B3GALNT1: variants seen among roughly 807,000 people sequenced by gnomAD.
B3GALNT1 encodes beta-1,3-N-acetylgalactosaminyltransferase 1 (Globoside blood group).
Under a neutral mutation model 27.3 loss-of-function variants are expected in B3GALNT1, and 17 were observed. The observed-to-expected ratio is 0.62, with a 90% CI of 0.43 to 0.94. The LOEUF (loss-of-function observed/expected upper bound fraction) is 0.94. Ranked by LOEUF, B3GALNT1 falls within the 40% of genes least tolerant of loss-of-function variation. The probability of loss-of-function intolerance (pLI) is 0.00; values close to 1 mark genes in which losing one functional copy is unlikely to be tolerated. For missense variants in B3GALNT1, 347 were observed against 390.0 expected (o/e 0.89, Z 0.93); for synonymous variants, 141 against 144.0 (o/e 0.98, Z 0.15).
chr3:161,091,479 T>C (rs2108283844), intron 4 of B3GALNT1, among the ~76,000 whole-genome samples: 1 of 152,258 alleles, frequency 6.6e-6, no homozygotes, highest in East Asian at 1.9e-4. Flanking sequence ...TCTCGCACCA[T>C]CCTTCTCTGT....
chr3:161,089,987 T>A, intron 4 of B3GALNT1: 1 of 251,174 alleles, frequency 4.0e-6, no homozygotes, highest in Non-Finnish European at 9.0e-6. Context: ...GAGAACTGCT[T>A]AAACCTGAGA....
At chr3:161,089,956 C>T (rs1325381041) in intron 4 of B3GALNT1, 2 of 208,898 alleles carry the variant, frequency 9.6e-6, no homozygotes, top group Admixed American at 9.5e-5. Flanking sequence ...GTAGTCCCAC[C>T]TACTTGGGAG....
At chr3:161,102,823 A>G (rs986292487) in intron 3 of B3GALNT1, among the ~76,000 whole-genome samples, 28 of 152,314 alleles carry the variant, frequency 1.8e-4, no homozygotes, top group Non-Finnish European at 3.8e-4. Flanking sequence ...AGGGACAAAG[A>G]CATTTCCCAA....
At position 161,085,784 on chromosome 3, in the gene B3GALNT1, A is replaced by G; in HGVS notation, c.971T>C (p.Leu324Pro). The change falls in exon 5 of 5, where the codon CTA becomes CCA. Residue 324 changes from leucine (L) to proline (P), a missense_variant. Leu to Pro is a moderately conservative substitution (Grantham distance 98). Coordinates refer to ENST00000320474, the MANE Select transcript of B3GALNT1 (RefSeq NM_003781.4). ...KEIITFWQVM[L>P]RNTTCHY is the part of the protein sequence containing the mutation. ...TTAATAATGGCATGTGGTGTTCCTT[A>G]GCATGACCTGCCAAAAAGTGATGAT... 6.2e-7 allele frequency: 1 copy of G among 1,614,150 alleles called. No individual in the cohort carries two copies. The highest frequency in any genetic ancestry group is 8.5e-7 in the Non-Finnish European group (1 of 1,180,008).
chr3:161,092,467 C>T (rs1396380224), intron 4 of B3GALNT1, among the ~76,000 whole-genome samples: 1 of 151,940 alleles, frequency 6.6e-6, no homozygotes, highest in Non-Finnish European at 1.5e-5. Flanking sequence ...TACAGGAAAA[C>T]ATACCACACC....
chr3:161,092,215 G>A (rs1383912591), intron 4 of B3GALNT1, among the ~76,000 whole-genome samples: 1 of 152,106 alleles, frequency 6.6e-6, no homozygotes, highest in African/African-American at 2.4e-5. Flanking sequence ...ATAAATATAT[G>A]TCCATAAGAT....
intron 3 of B3GALNT1, among the ~76,000 whole-genome samples, chr3:161,102,355 G>A (rs1017577387): frequency 1.3e-5 from 2 of 152,108 alleles, no homozygotes; most frequent in African/African-American, 4.8e-5. Flanking sequence ...AAGGAGTGCA[G>A]GTTATCTCCC....
intron 4 of B3GALNT1, among the ~76,000 whole-genome samples, chr3:161,088,628 G>A (rs942282588): frequency 3.9e-5 from 6 of 152,142 alleles, no homozygotes; most frequent in African/African-American, 1.4e-4. Context: ...GCCTTTATAC[G>A]TTTTCTCCTC....
In B3GALNT1 at chr3:161,085,949, T is replaced by A; in HGVS notation, c.806A>T (p.Tyr269Phe). 1 of 1,604,026 alleles carries A rather than the reference T, an allele frequency of 6.2e-7. No homozygotes were observed. Among genetic ancestry groups the A allele is most frequent in the Non-Finnish European group, 8.5e-7 (1 of 1,175,306 alleles). The change falls in exon 5 of 5, where the codon TAT becomes TTT. Residue 269 changes from tyrosine to phenylalanine, a missense_variant. Tyr to Phe is a conservative substitution (Grantham distance 22, BLOSUM62 3). Coordinates refer to ENST00000320474, the MANE Select transcript of B3GALNT1 (RefSeq NM_003781.4). ...HVKPIKFEDV[Y>F]VGICLNLLKV... Reference sequence around the variant, plus strand: ...TAATAAATTCAAACAGATCCCGACATAAACATCTTCAAACTTGATGGGTTT... The same window carrying A: ...TAATAAATTCAAACAGATCCCGACAAAAACATCTTCAAACTTGATGGGTTT...
At chr3:161,096,015 A>G (rs987134312) in intron 4 of B3GALNT1, among the ~76,000 whole-genome samples, 3 of 152,136 alleles carry the variant, frequency 2.0e-5, no homozygotes, top group African/African-American at 7.2e-5. Flanking sequence ...TTAAAAATCT[A>G]TTTCTATTTG....
rs765047578 is a variant in B3GALNT1 at position 161,085,866 on chromosome 3, A to G, written c.889T>C (p.Leu297=). The change falls in exon 5 of 5, where the codon TTG becomes CTG. Residue 297 remains leucine (L), a synonymous_variant. Coordinates refer to ENST00000320474, the MANE Select transcript of B3GALNT1 (RefSeq NM_003781.4). Reference sequence around the variant, plus strand: ...ACACGTCTCAGTTGACAGACATCCAAATGGATTCTATATAGAAAGAAAAGA... The same window carrying G: ...ACACGTCTCAGTTGACAGACATCCAGATGGATTCTATATAGAAAGAAAAGA... The part of the protein sequence containing the change: ...TNLFFLYRIH[L]DVCQLRRVIA... 6.2e-7 allele frequency: 1 copy of G among 1,614,108 alleles called. No homozygotes were observed. Among genetic ancestry groups the G allele is most frequent in the Non-Finnish European group, 8.5e-7 (1 of 1,179,988 alleles).
In B3GALNT1 at chr3:161,092,831, A is replaced by C. The variant is rs142371442; in HGVS notation, c.-34-6043T>G. Among the ~76,000 whole-genome samples the C allele has an allele frequency of 2.8e-3, 409 of 143,890 alleles. 3 individuals are homozygous for C. The highest frequency in any genetic ancestry group is 0.011 in the Middle Eastern group (3 of 266). 94.4% of individuals were successfully genotyped at this position (143,890 alleles called of 152,430 possible). ...GCCCAGGCTGGAGTGCAGTGGTGCA[A>C]TCTCGGCTCACTGCGCCTCCCGGGT... On this transcript the variant is annotated intron_variant, in intron 4 of 4. Coordinates refer to ENST00000320474, the MANE Select transcript of B3GALNT1 (RefSeq NM_003781.4).
At chr3:161,102,592 T>C (rs1382771068) in intron 3 of B3GALNT1, among the ~76,000 whole-genome samples, 4 of 152,234 alleles carry the variant, frequency 2.6e-5, no homozygotes, top group Non-Finnish European at 5.9e-5. Flanking sequence ...GCATTGTCCA[T>C]AGTCCCAAGA....
chr3:161,104,295 A>C, intron 2 of B3GALNT1, 24 bp downstream of exon 2: 1 of 1,288,186 alleles, frequency 7.8e-7, no homozygotes, highest in Non-Finnish European at 1.0e-6. Context: ...CCAGTTGAAC[A>C]CTGCAAACCC....
intron 3 of B3GALNT1, among the ~76,000 whole-genome samples, chr3:161,101,644 G>T (rs994569637): frequency 6.6e-6 from 1 of 152,042 alleles, no homozygotes. Flanking sequence ...AGAGAACATG[G>T]GGGAGGCTTT....
In B3GALNT1 at chr3:161,084,070, C is replaced by CA. The variant is rs746983592; in HGVS notation, c.*1688dup. 7 of 152,072 alleles carry CA rather than the reference C, an allele frequency of 4.6e-5. No homozygotes were observed. Among genetic ancestry groups the CA allele is most frequent in the Non-Finnish European group, 7.4e-5 (5 of 68,006 alleles). The allele number at this position is 152,072 out of a possible 1,614,324, so 9.4% of individuals were successfully genotyped here. ...TTAAAACGGCTAAAACATCATGAGG[C>CA]AATAGATTTTCTGCTCCATTATAAT... is the stretch of plus-strand genomic sequence containing the variant. On this transcript the variant is annotated 3_prime_UTR_variant, in exon 5 of 5. Transcript: ENST00000320474.
chr3:161,089,837 G>C (rs958011215), intron 4 of B3GALNT1: 1 of 152,180 alleles, frequency 6.6e-6, no homozygotes, highest in African/African-American at 2.4e-5. Flanking sequence ...GGGAGGCCAA[G>C]GCAGGCGGAT....
intron 4 of B3GALNT1, among the ~76,000 whole-genome samples, chr3:161,091,490 C>G (rs1272289867): frequency 6.6e-6 from 1 of 152,172 alleles, no homozygotes; most frequent in African/African-American, 2.4e-5. Flanking sequence ...CCTTCTCTGT[C>G]TCAGGTAGAA....
rs1352127301 is a variant in B3GALNT1 at position 161,086,800 on chromosome 3, A to G, written c.-34-12T>C. On this transcript the variant is annotated splice_polypyrimidine_tract_variant and intron_variant, in intron 4 of 4. Coordinates refer to ENST00000320474, the MANE Select transcript of B3GALNT1 (RefSeq NM_003781.4). Reference sequence around the variant, plus strand: ...GCGAGCCGAAGGTTCTGGAAGAGTTATCAAAGATTGGGTTAATATTCCACA... The same window carrying G: ...GCGAGCCGAAGGTTCTGGAAGAGTTGTCAAAGATTGGGTTAATATTCCACA... The G allele has an allele frequency of 6.2e-7, 1 of 1,607,672 alleles. No individual in the cohort carries two copies. Among genetic ancestry groups the G allele is most frequent in the African/African-American group, 1.3e-5 (1 of 74,934 alleles).
Sources: gnomAD v4.1 joint callset for allele counts (sites outside exome capture counted in the v4.1 genomes callset) on GRCh38, gnomAD v4.1.1 for gene constraint, MANE v1.5 for transcripts, NCBI Gene and HGNC (gene_info 2026-07-23, HGNC 2026-07-21) for gene names.